CALD1: variants seen among roughly 807,000 people sequenced by gnomAD.
CALD1 encodes the protein caldesmon.
In CALD1, 33 loss-of-function variants were observed where a neutral mutation model predicts 99.9. The ratio of observed to expected loss-of-function variants is 0.33; its 90% CI spans 0.25 to 0.44. The LOEUF (loss-of-function observed/expected upper bound fraction) is 0.44, where lower values mean the gene tolerates loss of function less well. Among genes scored for constraint, CALD1 ranks in the 20% least tolerant of loss-of-function variants. The probability of loss-of-function intolerance (pLI) is 1.00; values close to 1 mark genes in which losing one functional copy is unlikely to be tolerated. For missense variants in CALD1, 861 were observed against 962.1 expected (o/e 0.89, Z 1.39); for synonymous variants, 310 against 325.0 (o/e 0.95, Z 0.50).
chr7:134,878,518 G>A (rs574515904), intron 3 of CALD1, among the ~76,000 whole-genome samples: 10 of 152,184 alleles, frequency 6.6e-5, no homozygotes, highest in Middle Eastern at 3.4e-3. Flanking sequence ...GCAGTGAGCC[G>A]AGATCGCACC....
intron 3 of CALD1, among the ~76,000 whole-genome samples, chr7:134,875,887 C>T (rs370920161): frequency 6.6e-6 from 1 of 152,278 alleles, no homozygotes; most frequent in African/African-American, 2.4e-5. Flanking sequence ...CAGAGAAGAT[C>T]GAGTTTCCCT....
intron 3 of CALD1, among the ~76,000 whole-genome samples, chr7:134,879,013 T>C (rs966274354): frequency 1.3e-5 from 2 of 152,208 alleles, no homozygotes; most frequent in East Asian, 1.9e-4. Context: ...CCAATACTTA[T>C]ATTGAACCTC....
chr7:134,780,093 A>G (rs963721325), intron 1 of CALD1, among the ~76,000 whole-genome samples: 17 of 152,338 alleles, frequency 1.1e-4, no homozygotes, highest in African/African-American at 3.8e-4. Flanking sequence ...TAGCAAGCCT[A>G]CTGCACCAGA....
intron 3 of CALD1, among the ~76,000 whole-genome samples, chr7:134,892,025 G>A (rs982973442): frequency 1.3e-5 from 2 of 152,124 alleles, no homozygotes; most frequent in African/African-American, 4.8e-5. Flanking sequence ...TTAGACCTTA[G>A]CCCTCCGTTC....
intron 3 of CALD1, among the ~76,000 whole-genome samples, chr7:134,908,528 A>G (rs1803566814): frequency 1.3e-5 from 2 of 152,136 alleles, no homozygotes. Context: ...CACTCATTAT[A>G]CGTCAGTGTT....
chr7:134,833,505 A>G (rs1472322029), intron 1 of CALD1, among the ~76,000 whole-genome samples: 2 of 152,202 alleles, frequency 1.3e-5, no homozygotes, highest in Non-Finnish European at 2.9e-5. Context: ...CAGCAGTACT[A>G]TTCTTCAGTG....
chr7:134,845,818 G>A (rs970624579), intron 2 of CALD1, among the ~76,000 whole-genome samples: 3 of 152,186 alleles, frequency 2.0e-5, no homozygotes, highest in Non-Finnish European at 4.4e-5. Flanking sequence ...ACAGGAGAAG[G>A]ACCCGTCCAA....
chr7:134,861,796 C>G (rs986400676), intron 2 of CALD1, among the ~76,000 whole-genome samples: 1 of 152,132 alleles, frequency 6.6e-6, no homozygotes, highest in African/African-American at 2.4e-5. Flanking sequence ...CAGAGAGGAC[C>G]TGTCTAATAA....
chr7:134,801,763 C>T (rs577628246), intron 1 of CALD1, among the ~76,000 whole-genome samples: 2 of 148,620 alleles, frequency 1.3e-5, no homozygotes, highest in Admixed American at 6.6e-5. Flanking sequence ...GGACTACAGG[C>T]ACTCACCACT....
At chr7:134,944,394 T>C (rs1806692839) in intron 7 of CALD1, 1 of 151,416 alleles carries the variant, frequency 6.6e-6, no homozygotes, top group African/African-American at 2.4e-5. Flanking sequence ...CTCTGATATT[T>C]TCTGTTTTTT....
intron 2 of CALD1, among the ~76,000 whole-genome samples, chr7:134,853,694 T>G (rs1362132982): frequency 6.6e-6 from 1 of 152,180 alleles, no homozygotes; most frequent in Non-Finnish European, 1.5e-5. Context: ...TTCATAAACA[T>G]TTATTGAATT....
intron 1 of CALD1, among the ~76,000 whole-genome samples, chr7:134,835,081 T>C (rs1799379481): frequency 6.6e-6 from 1 of 152,262 alleles, no homozygotes; most frequent in South Asian, 2.1e-4. Flanking sequence ...CACTAGTTAC[T>C]CTTTCAGCTG....
At chr7:134,904,887 A>C (rs1803258378) in intron 3 of CALD1, among the ~76,000 whole-genome samples, 1 of 152,126 alleles carries the variant, frequency 6.6e-6, no homozygotes. Flanking sequence ...TCTGATGATA[A>C]ATTTCCAAGT....
intron 3 of CALD1, among the ~76,000 whole-genome samples, chr7:134,870,229 G>C (rs770049755): frequency 2.0e-5 from 3 of 152,134 alleles, no homozygotes; most frequent in Non-Finnish European, 4.4e-5. Context: ...AGGGTGTAGG[G>C]GCAGACCTGA....
intron 1 of CALD1, among the ~76,000 whole-genome samples, chr7:134,760,075 G>T (rs1382158690): frequency 6.6e-6 from 1 of 152,176 alleles, no homozygotes; most frequent in South Asian, 2.1e-4. Context: ...GGGCTGGATC[G>T]CCAGGTGCTC....
At chr7:134,917,199 G>A (rs1002321975) in intron 3 of CALD1, among the ~76,000 whole-genome samples, 1 of 152,108 alleles carries the variant, frequency 6.6e-6, no homozygotes, top group African/African-American at 2.4e-5. Context: ...TAAGCCCAAG[G>A]TTTATTGTCC....
At chr7:134,802,667 A>T (rs1797990959) in intron 1 of CALD1, among the ~76,000 whole-genome samples, 1 of 152,252 alleles carries the variant, frequency 6.6e-6, no homozygotes, top group Non-Finnish European at 1.5e-5. Flanking sequence ...TGCTCAGAGC[A>T]CAGTTGGGCT....
chr7:134,844,662 G>T (rs1397571762), intron 2 of CALD1, among the ~76,000 whole-genome samples: 2 of 152,182 alleles, frequency 1.3e-5, no homozygotes, highest in Admixed American at 1.3e-4. Flanking sequence ...CACAGACTGG[G>T]TGGCTTAAAC....
At chr7:134,749,383 G>A (rs1362866142) in intron 1 of CALD1, among the ~76,000 whole-genome samples, 1 of 152,200 alleles carries the variant, frequency 6.6e-6, no homozygotes, top group Non-Finnish European at 1.5e-5. Flanking sequence ...ATTTTGGGAG[G>A]CCGAGGTGGG....
Sources: gnomAD v4.1 joint callset for allele counts (sites outside exome capture counted in the v4.1 genomes callset) on GRCh38, gnomAD v4.1.1 for gene constraint, MANE v1.5 for transcripts, NCBI Gene and HGNC (gene_info 2026-07-23, HGNC 2026-07-21) for gene names.